CCDC27: variants seen among roughly 807,000 people sequenced by gnomAD.
CCDC27 encodes the protein coiled-coil domain-containing protein 27.
In CCDC27, 80 loss-of-function variants were observed where a neutral mutation model predicts 80.3. The ratio of observed to expected loss-of-function variants is 1.00; its 90% confidence interval spans 0.83 to 1.20. The LOEUF (loss-of-function observed/expected upper bound fraction) is 1.20, where lower values mean the gene tolerates loss of function less well. Among genes scored for constraint, CCDC27 ranks in the 50% most tolerant of loss-of-function variants. The pLI is 0.00. For missense variants in CCDC27, 815 were observed against 809.4 expected (o/e 1.01, Z -0.08); for synonymous variants, 342 against 334.3 (o/e 1.02, Z -0.25).
rs997417509 is a variant in CCDC27 at position 3,766,757 on chromosome 1, C to T, written c.1530+145C>T. The stretch of plus-strand genomic sequence containing the variant: ...TAGCATGCCACTCGACAGATCTCTG[C>T]ACCCCACGTCCACACAGAAGGCTCC... On this transcript the variant is annotated intron_variant, in intron 9 of 11. Transcript: ENST00000294600. The surrounding 1 kb of genome is among the most constrained non-coding windows in gnomAD (Gnocchi z 6.1). The T allele has an allele frequency of 1.4e-5, 9 of 633,932 alleles. No homozygotes were observed. In the African/African-American group the frequency reaches 1.5e-4, roughly 10 times the overall value. The allele number at this position is 633,932 out of a possible 1,614,324, so 39.3% of individuals were successfully genotyped here.
intron 8 of CCDC27, among the ~76,000 whole-genome samples, chr1:3,765,207 CGAT>C (rs1643200234): frequency 6.6e-6 from 1 of 152,116 alleles, no homozygotes; most frequent in Admixed American, 6.5e-5. Flanking sequence ...CCAGGTTGGC[CGAT>C]GATAAGTCCA....
chr1:3,765,432 C>G (rs74049722), intron 8 of CCDC27, among the ~76,000 whole-genome samples: 3 of 152,196 alleles, frequency 2.0e-5, no homozygotes, highest in African/African-American at 7.2e-5. Context: ...ATGGCCTTCT[C>G]TCACACTATT....
chr1:3,771,266 C>G, intron 11 of CCDC27, 135 bp from the exon 12 acceptor site: 1 of 1,063,700 alleles, frequency 9.4e-7, no homozygotes, highest in Non-Finnish European at 1.4e-6. Context: ...CCAGCACACC[C>G]CTGCTGCAGC....
rs1643115835 is a variant in CCDC27, at chr1:3,762,673, C to T, written c.915C>T (p.Ala305=). The change falls in exon 6 of 12, where the codon GCC becomes GCT. Residue 305 remains alanine (A), a synonymous_variant. Transcript: ENST00000294600. ...LKLGRLSLLK[A]FSRHEEELQH... is the part of the protein sequence containing the mutation. ...TGGGCAGGCTGAGCCTCCTGAAGGC[C>T]TTCTCCAGACATGAGGAGGAGCTGC... 2 of 1,549,934 alleles carry T rather than the reference C, an allele frequency of 1.3e-6. No homozygotes were observed. The highest frequency in any genetic ancestry group is 1.7e-6 in the Non-Finnish European group (2 of 1,146,780).
rs193061081 is a variant in CCDC27 at position 3,757,070 on chromosome 1, C to T, written c.711+180C>T. 2,787 of 641,964 alleles carry T rather than the reference C, an allele frequency of 4.3e-3. 12 individuals carry two copies. Among genetic ancestry groups the T allele is most frequent in the Admixed American group, 7.7e-3 (234 of 30,470 alleles). 39.8% of individuals were successfully genotyped at this position (641,964 alleles called of 1,614,324 possible). On this transcript the variant is annotated intron_variant, in intron 4 of 11. Coordinates refer to ENST00000294600, the MANE Select transcript of CCDC27 (RefSeq NM_152492.3). Reference sequence around the variant, plus strand: ...CTTTGACAAAGCTCCTCACCCCTGTCCATCCTCACCCCAGTGGGTGGCAGT... The same window carrying T: ...CTTTGACAAAGCTCCTCACCCCTGTTCATCCTCACCCCAGTGGGTGGCAGT...
chr1:3,752,923 A>C lies in CCDC27; in HGVS notation c.318+124A>C, dbSNP rs1357078360. The stretch of plus-strand genomic sequence containing the variant: ...ACAGGCCTTCTGGTGATGGGTTACC[A>C]AAGGGGGATTCCAGGCAGGCAACGA... On this transcript the variant is annotated intron_variant, in intron 1 of 11. Transcript: ENST00000294600. The C allele has an allele frequency of 6.2e-6, 7 of 1,122,692 alleles. No individual in the cohort carries two copies. In the South Asian group the frequency reaches 1.1e-4, roughly 18 times the overall value. 69.5% of individuals were successfully genotyped at this position (1,122,692 alleles called of 1,614,324 possible). A position where few individuals can be genotyped will look rare whatever the true frequency, so the allele number is the denominator to read the frequency against.
chr1:3,769,743 T>C lies in CCDC27; in HGVS notation c.1744-40T>C, dbSNP rs773403213. 2.1e-5 allele frequency: 31 copies of C among 1,489,506 alleles called. No homozygotes were observed. Among genetic ancestry groups the C allele is most frequent in the Non-Finnish European group, 3.8e-6 (4 of 1,066,630 alleles). The allele number at this position is 1,489,506 out of a possible 1,614,324, so 92.3% of individuals were successfully genotyped here. On this transcript the variant is annotated intron_variant, in intron 10 of 11. Coordinates refer to ENST00000294600, the MANE Select transcript of CCDC27 (RefSeq NM_152492.3). This position sits in a 1 kb window ranked among gnomAD's most constrained non-coding sequence, Gnocchi z 4.6. ...GCAGCCCACTGGCCAGGTGCCTTCT[T>C]GGGTAAAGGCGAATGATAGTGTTGT...
Position 3,766,076 on chromosome 1 carries a change from C to T in CCDC27, c.1453-459C>T, listed in dbSNP as rs78498393. Among the ~76,000 whole-genome samples, 1,879 of 152,244 alleles carry T rather than the reference C, an allele frequency of 0.012. 16 individuals are homozygous for T. Among genetic ancestry groups the T allele is most frequent in the Middle Eastern group, 0.041 (12 of 294 alleles). ...GTAGAGATAGGATCTATGTTACCCA[C>T]GCTTCTCTCAAATTCCCGACCTCAA... On this transcript the variant is annotated intron_variant, in intron 8 of 11. Transcript: ENST00000294600. The surrounding 1 kb of genome is among the most constrained non-coding windows in gnomAD (Gnocchi z 6.1).
In CCDC27 at chr1:3,754,112, T is replaced by C; in HGVS notation, c.319-6T>C. ...CTTGTCTGTCTTACTTTCCCCGCTC[T>C]GCCAGAGTGAACCCAAGGATGCCGC... On this transcript the variant is annotated splice_region_variant and splice_polypyrimidine_tract_variant and intron_variant, in intron 1 of 11. Coordinates refer to ENST00000294600, the MANE Select transcript of CCDC27 (RefSeq NM_152492.3). The C allele has an allele frequency of 6.2e-7, 1 of 1,613,014 alleles. No homozygotes were observed. Among genetic ancestry groups the C allele is most frequent in the Non-Finnish European group, 8.5e-7 (1 of 1,179,480 alleles).
rs1045706429 is a variant in CCDC27, at chr1:3,756,555, C to T, written c.554-178C>T. 2.7e-5 allele frequency: 17 copies of T among 627,164 alleles called. No homozygotes were observed. The East Asian group carries it at 3.0e-4, about 11-fold the overall frequency. 38.8% of individuals were successfully genotyped at this position (627,164 alleles called of 1,614,324 possible). ...GGGCGCCCCATCGTGTTCACAGCAGCACCACACTGTGTCCTCAAAATGAGG... is the reference window on the plus strand; with the variant it reads ...GGGCGCCCCATCGTGTTCACAGCAGTACCACACTGTGTCCTCAAAATGAGG... On this transcript the variant is annotated intron_variant, in intron 3 of 11. Coordinates refer to ENST00000294600, the MANE Select transcript of CCDC27 (RefSeq NM_152492.3).
chr1:3,761,476 G>T lies in CCDC27; in HGVS notation c.861+46G>T, dbSNP rs757145057. 1 of 1,590,736 alleles carries T rather than the reference G, an allele frequency of 6.3e-7. No homozygotes were observed. The highest frequency in any genetic ancestry group is 2.2e-5 in the East Asian group (1 of 44,598). On this transcript the variant is annotated intron_variant, in intron 5 of 11. Coordinates refer to ENST00000294600, the MANE Select transcript of CCDC27 (RefSeq NM_152492.3). This position sits in a 1 kb window ranked among gnomAD's most constrained non-coding sequence, Gnocchi z 5.0. The stretch of plus-strand genomic sequence containing the variant: ...CACAGCGCAGAGCTCTAAGACGGTT[G>T]TTTTCAAAGCGTCCAAAGCTGCTAG...
rs1249055517 is a variant in CCDC27, at chr1:3,756,887, G to A, written c.708G>A (p.Glu236=). ...CCTGGTACCTCTCAGTCATCCACGAGAAGGTACTGGCGGAGGGGGTGCAAA... is the reference window on the plus strand; with the variant it reads ...CCTGGTACCTCTCAGTCATCCACGAAAAGGTACTGGCGGAGGGGGTGCAAA... ...RMPWYLSVIH[E]KDHCLSELEI... Residue 236 remains glutamate, a synonymous_variant, in exon 4 of 12, where the codon GAG becomes GAA. Coordinates refer to ENST00000294600, the MANE Select transcript of CCDC27 (RefSeq NM_152492.3). The A allele has an allele frequency of 1.2e-6, 2 of 1,611,656 alleles. No homozygotes were observed. Among genetic ancestry groups the A allele is most frequent in the Non-Finnish European group, 1.7e-6 (2 of 1,179,190 alleles).
At position 3,756,807 on chromosome 1, in the gene CCDC27, A is replaced by T. The variant is rs1478813418; in HGVS notation, c.628A>T (p.Ser210Cys). Reference sequence around the variant, plus strand: ...GAAGAGGAGAAAATCCCAGACTTTGAGTCCGGTCACCAGCAGCTCAGTCGC... The same window carrying T: ...GAAGAGGAGAAAATCCCAGACTTTGTGTCCGGTCACCAGCAGCTCAGTCGC... ...LRKRRKSQTLSPVTSSSVASQ... is the reference protein window; with the variant it reads ...LRKRRKSQTLCPVTSSSVASQ... The change falls in exon 4 of 12, where the codon AGT becomes TGT. Residue 210 changes from serine (S) to cysteine (C), a missense_variant. Coordinates refer to ENST00000294600, the MANE Select transcript of CCDC27 (RefSeq NM_152492.3). 6.2e-7 allele frequency: 1 copy of T among 1,613,858 alleles called. No individual in the cohort carries two copies. Among genetic ancestry groups the T allele is most frequent in the Non-Finnish European group, 8.5e-7 (1 of 1,179,932 alleles).
Position 3,763,413 on chromosome 1 carries a change from G to C in CCDC27, c.1260G>C (p.Gln420His). 1 of 1,612,368 alleles carries C rather than the reference G, an allele frequency of 6.2e-7. No individual in the cohort carries two copies. The highest frequency in any genetic ancestry group is 8.5e-7 in the Non-Finnish European group (1 of 1,179,754). The change falls in exon 7 of 12, where the codon CAG becomes CAC. Residue 420 changes from glutamine to histidine, a missense_variant. By Grantham distance (24) the Gln-to-His change is conservative. Transcript: ENST00000294600. The surrounding 1 kb of genome is among the most constrained non-coding windows in gnomAD (Gnocchi z 7.5). ...TGGCCCAGCTGGAGGAGTACGAGCAGGTCATCCTGGACTTCCAGTTCAACC... is the reference window on the plus strand; with the variant it reads ...TGGCCCAGCTGGAGGAGTACGAGCACGTCATCCTGGACTTCCAGTTCAACC... ...ELLAQLEEYE[Q>H]VILDFQFNLE...
chr1:3,756,699 C>A, intron 3 of CCDC27, 34 bp from the exon 4 acceptor site: 1 of 1,611,048 alleles, frequency 6.2e-7, no homozygotes, highest in Non-Finnish European at 8.5e-7. Flanking sequence ...AGGGAAGGGT[C>A]TCATTTCTCA....
At position 3,763,096 on chromosome 1, in the gene CCDC27, C is replaced by T. The variant is rs1379008039; in HGVS notation, c.955-12C>T. 12 of 1,467,102 alleles carry T rather than the reference C, an allele frequency of 8.2e-6. No homozygotes were observed. The highest frequency in any genetic ancestry group is 3.9e-4 in the Middle Eastern group (2 of 5,148). 90.9% of individuals were successfully genotyped at this position (1,467,102 alleles called of 1,614,324 possible). A position where few individuals can be genotyped will look rare whatever the true frequency, so the allele number is the denominator to read the frequency against. The stretch of plus-strand genomic sequence containing the variant: ...GCAGCCCTGCCCAGCCCCTGCCCTA[C>T]CCATCTTACAGATGCAGGAGGAGTC... On this transcript the variant is annotated splice_polypyrimidine_tract_variant and intron_variant, in intron 6 of 11. Coordinates refer to ENST00000294600, the MANE Select transcript of CCDC27 (RefSeq NM_152492.3). The surrounding 1 kb of genome is among the most constrained non-coding windows in gnomAD (Gnocchi z 7.5).
At chr1:3,757,022 T>G in intron 4 of CCDC27, 132 bp downstream of exon 4, 1 of 1,055,732 alleles carries the variant, frequency 9.5e-7, no homozygotes, top group Non-Finnish European at 1.3e-6. Context: ...CCCCATGGCC[T>G]AAAATGACCT....
At chr1:3,754,382 C>A in intron 2 of CCDC27, 141 bp downstream of exon 2, 1 of 1,139,074 alleles carries the variant, frequency 8.8e-7, no homozygotes, top group Non-Finnish European at 1.2e-6. Flanking sequence ...TTTTGAAATC[C>A]GCTCTGTGCT....
chr1:3,758,756 C>T (rs972118686), intron 4 of CCDC27, among the ~76,000 whole-genome samples: 4 of 152,170 alleles, frequency 2.6e-5, no homozygotes, highest in Admixed American at 2.0e-4. Flanking sequence ...CCACCATGCC[C>T]ATTAATTTTT....
Sources: allele counts gnomAD v4.1 joint callset (sites outside exome capture counted in the v4.1 genomes callset), GRCh38; gene constraint gnomAD v4.1.1; non-coding constraint Gnocchi (gnomAD v3.1); transcripts MANE v1.5; gene names NCBI Gene and HGNC (gene_info 2026-07-23, HGNC 2026-07-21).